PPP2R1A: variants seen among roughly 807,000 people sequenced by gnomAD.
PPP2R1A encodes protein phosphatase 2 scaffold subunit Aalpha, also known as serine/threonine-protein phosphatase 2A 65 kDa regulatory subunit A alpha isoform.
In PPP2R1A, 15 loss-of-function variants were observed where a neutral mutation model predicts 67.1. That is an observed-to-expected ratio of 0.22 (90% CI 0.15 to 0.34). The LOEUF is 0.34. Among genes scored for constraint, PPP2R1A ranks in the 10% least tolerant of loss-of-function variants. The pLI is 1.00. For synonymous variants in PPP2R1A, 337 were observed against 325.0 expected (o/e 1.04, Z -0.40); for missense variants, 369 against 775.0 (o/e 0.48, Z 6.22).
chr19:52,196,578 CTT>C (rs2089498681), intron 1 of PPP2R1A, among the ~76,000 whole-genome samples: 1 of 152,204 alleles, frequency 6.6e-6, no homozygotes, highest in Non-Finnish European at 1.5e-5. Flanking sequence ...TTGTATATCT[CTT>C]TGCCAAGAAC....
intron 6 of PPP2R1A, among the ~76,000 whole-genome samples, chr19:52,214,686 C>G (rs1978452801): frequency 1.3e-5 from 2 of 151,996 alleles, no homozygotes; most frequent in African/African-American, 2.4e-5. Flanking sequence ...GTGCGTCTTT[C>G]CATGCCTGGT....
rs778590819 is a variant in PPP2R1A at position 52,213,153 on chromosome 19, T to G, written c.807+43T>G. The G allele has an allele frequency of 6.6e-7, 1 of 1,508,542 alleles. No individual in the cohort carries two copies. The highest frequency in any genetic ancestry group is 8.8e-7 in the Non-Finnish European group (1 of 1,135,938). 93.4% of individuals were successfully genotyped at this position (1,508,542 alleles called of 1,614,324 possible). A position where few individuals can be genotyped will look rare whatever the true frequency, so the allele number is the denominator to read the frequency against. ...GACATTGTCCCACTGGTGGGGACAC[T>G]GACACTCTCAGAAGGGAAGCATATA... On this transcript the variant is annotated intron_variant, in intron 6 of 14. Transcript: ENST00000322088. This position sits in a 1 kb window ranked among gnomAD's most constrained non-coding sequence, Gnocchi z 4.2.
At chr19:52,221,443 C>CG (rs760569961) in intron 12 of PPP2R1A, among the ~76,000 whole-genome samples, 47 of 152,282 alleles carry the variant, frequency 3.1e-4, no homozygotes, top group East Asian at 5.8e-4. Context: ...ATGTGTGTCT[C>CG]TATCTGTGGT....
intron 1 of PPP2R1A, chr19:52,201,705 C>T (rs573482979): frequency 9.9e-5 from 51 of 516,740 alleles, no homozygotes; most frequent in Middle Eastern, 8.6e-4. Flanking sequence ...GTAGGTGTCA[C>T]CTTCATAAGA....
At chr19:52,222,537 C>T (rs1275774728) in intron 13 of PPP2R1A, 1 of 257,800 alleles carries the variant, frequency 3.9e-6, no homozygotes, top group African/African-American at 2.2e-5. Flanking sequence ...ATAATTGCAC[C>T]AAAAATATCA....
At chr19:52,203,121 G>A (rs1335484618) in intron 2 of PPP2R1A, among the ~76,000 whole-genome samples, 29 of 152,218 alleles carry the variant, frequency 1.9e-4, no homozygotes, top group Admixed American at 6.5e-5. Context: ...TGGACCTAGT[G>A]ATGATCCTGG....
Position 52,221,007 on chromosome 19 carries a change from C to T in PPP2R1A, c.1392C>T (p.Ser464=), listed in dbSNP as rs1978890380. ...ATGCCATCCGCGAGGCAGCCACCAG[C>T]AACCTGAAGAAGCTAGTGGAAAAGT... ...HVYAIREAAT[S]NLKKLVEKFG... The change falls in exon 12 of 15, where the codon AGC becomes AGT. Residue 464 remains serine, a synonymous_variant. Transcript: ENST00000322088. The T allele has an allele frequency of 3.7e-6, 6 of 1,614,214 alleles. No homozygotes were observed. Among genetic ancestry groups the T allele is most frequent in the Non-Finnish European group, 5.1e-6 (6 of 1,180,032 alleles).
rs398035011 is a variant in PPP2R1A, at chr19:52,213,457, G to GTTTT, written c.807+374_807+377dup. ...GCCCAAAAAGGTGGGGTTTTTTGGTGTTTTTTTTTTTTTTTTTTTTTTTTT... is the reference window on the plus strand; with the variant it reads ...GCCCAAAAAGGTGGGGTTTTTTGGTGTTTTTTTTTTTTTTTTTTTTTTTTTTTTT... On this transcript the variant is annotated intron_variant, in intron 6 of 14. Coordinates refer to ENST00000322088, the MANE Select transcript of PPP2R1A (RefSeq NM_014225.6). The surrounding 1 kb of genome is among the most constrained non-coding windows in gnomAD (Gnocchi z 4.2). 6.0e-4 allele frequency among the ~76,000 whole-genome samples: 43 copies of GTTTT among 71,754 alleles called. 3 individuals carry two copies. Among genetic ancestry groups the GTTTT allele is most frequent in the South Asian group, 1.9e-3 (3 of 1,608 alleles). The allele number at this position is 71,754 out of a possible 152,430, so 47.1% of individuals were successfully genotyped here.
rs1374408806 is a variant in PPP2R1A at position 52,227,872 on chromosome 19, A to G, written c.*1891A>G. The G allele has an allele frequency of 6.6e-6, 1 of 152,186 alleles. No homozygotes were observed. 9.4% of individuals were successfully genotyped at this position (152,186 alleles called of 1,614,324 possible). A position where few individuals can be genotyped will look rare whatever the true frequency, so the allele number is the denominator to read the frequency against. On this transcript the variant is annotated 3_prime_UTR_variant, in exon 15 of 15. Transcript: ENST00000322088. The stretch of plus-strand genomic sequence containing the variant: ...TCCCCATGGTTAACGCTGCTGGTCC[A>G]TTGTAACAAGAGTGCAGTGGACCAG...
chr19:52,228,373 C>G lies in PPP2R1A; in HGVS notation c.*2392C>G, dbSNP rs1407368874. 6.6e-6 allele frequency: 1 copy of G among 152,170 alleles called. No homozygotes were observed. Among genetic ancestry groups the G allele is most frequent in the Non-Finnish European group, 1.5e-5 (1 of 68,038 alleles). The allele number at this position is 152,170 out of a possible 1,614,324, so 9.4% of individuals were successfully genotyped here. A position where few individuals can be genotyped will look rare whatever the true frequency, so the allele number is the denominator to read the frequency against. On this transcript the variant is annotated 3_prime_UTR_variant, in exon 15 of 15. Transcript: ENST00000322088. ...TGCCTGGTGTCTTGGGTCATGTGCT[C>G]TAGAAGCAGAGCCCGAGTGGAGACT...
chr19:52,192,743 AG>A (rs1231429392), intron 1 of PPP2R1A, among the ~76,000 whole-genome samples: 3 of 152,172 alleles, frequency 2.0e-5, no homozygotes, highest in Admixed American at 2.0e-4. Flanking sequence ...GATCAGAGCT[AG>A]GCAGCTTACC....
intron 7 of PPP2R1A, 39 bp from the exon 8 acceptor site, chr19:52,215,965 A>C: frequency 6.2e-7 from 1 of 1,609,740 alleles, no homozygotes; most frequent in Non-Finnish European, 8.5e-7. Context: ...CTAGCACATC[A>C]GGTCTCACTT....
rs552792137 is a variant in PPP2R1A, at chr19:52,216,825, C to T, written c.1128+162C>T. ...TTGTGGGCATAGCTGTGTGTTCATG[C>T]GTTCATTCCTCCAGGCACTCTTCAT... On this transcript the variant is annotated intron_variant, in intron 9 of 14. Transcript: ENST00000322088. This position sits in a 1 kb window ranked among gnomAD's most constrained non-coding sequence, Gnocchi z 4.3. Among the ~76,000 whole-genome samples, 14 of 152,302 alleles carry T rather than the reference C, an allele frequency of 9.2e-5. No homozygotes were observed. Among genetic ancestry groups the T allele is most frequent in the Admixed American group, 7.2e-4 (11 of 15,296 alleles).
At chr19:52,198,626 G>A (rs914887450) in intron 1 of PPP2R1A, among the ~76,000 whole-genome samples, 5 of 152,210 alleles carry the variant, frequency 3.3e-5, no homozygotes, top group African/African-American at 7.2e-5. Context: ...CTCCAAGAAT[G>A]TGCATGTTCT....
In PPP2R1A at chr19:52,213,236, C is replaced by T. The variant is rs1384996848; in HGVS notation, c.807+126C>T. 8.5e-6 allele frequency: 10 copies of T among 1,183,132 alleles called. No individual in the cohort carries two copies. The highest frequency in any genetic ancestry group is 1.6e-5 in the African/African-American group (1 of 64,200). The allele number at this position is 1,183,132 out of a possible 1,614,324, so 73.3% of individuals were successfully genotyped here. ...ATTGGGCGTTTGAGCAATAAGATCT[C>T]TATGATCATCTAACTGCGTCTCGCT... is the stretch of plus-strand genomic sequence containing the variant. On this transcript the variant is annotated intron_variant, in intron 6 of 14. Coordinates refer to ENST00000322088, the MANE Select transcript of PPP2R1A (RefSeq NM_014225.6). This position sits in a 1 kb window ranked among gnomAD's most constrained non-coding sequence, Gnocchi z 4.2.
In PPP2R1A at chr19:52,213,451, T is replaced by C. The variant is rs915792681; in HGVS notation, c.807+341T>C. Among the ~76,000 whole-genome samples the C allele has an allele frequency of 2.5e-4, 36 of 145,442 alleles. No homozygotes were observed. The highest frequency in any genetic ancestry group is 9.3e-4 in the African/African-American group (36 of 38,536). On this transcript the variant is annotated intron_variant, in intron 6 of 14. Transcript: ENST00000322088. This position sits in a 1 kb window ranked among gnomAD's most constrained non-coding sequence, Gnocchi z 4.2. ...AAGACAGCCCAAAAAGGTGGGGTTTTTTGGTGTTTTTTTTTTTTTTTTTTT... is the reference window on the plus strand; with the variant it reads ...AAGACAGCCCAAAAAGGTGGGGTTTCTTGGTGTTTTTTTTTTTTTTTTTTT...
chr19:52,220,197 G>A lies in PPP2R1A; in HGVS notation c.1311G>A (p.Glu437=). The change falls in exon 11 of 15, where the codon GAG becomes GAA. Residue 437 remains glutamate (E), a synonymous_variant. Coordinates refer to ENST00000322088, the MANE Select transcript of PPP2R1A (RefSeq NM_014225.6). ...MPLLAGQLGV[E]FFDEKLNSLC... ...CTTGGTTTCTCCTGTAGGGAGTGGA[G>A]TTCTTTGATGAGAAACTTAACTCCT... The A allele has an allele frequency of 6.2e-7, 1 of 1,614,108 alleles. No homozygotes were observed. The highest frequency in any genetic ancestry group is 1.3e-5 in the African/African-American group (1 of 75,020).
rs2122329858 is a variant in PPP2R1A, at chr19:52,211,404, G to A, written c.415G>A (p.Asp139Asn). The A allele has an allele frequency of 6.2e-7, 1 of 1,613,946 alleles. No homozygotes were observed. Among genetic ancestry groups the A allele is most frequent in the Non-Finnish European group, 8.5e-7 (1 of 1,179,984 alleles). ...VPLVKRLAGG[D>N]WFTSRTSACG... ...GCTAGTGAAGCGGCTGGCGGGCGGC[G>A]ACTGGTTCACCTCCCGCACCTCGGC... The change falls in exon 4 of 15, where the codon GAC (aspartate) becomes AAC (asparagine). Residue 139 changes from aspartate (D) to asparagine (N), a missense_variant. Asp to Asn is a conservative substitution (Grantham distance 23). Around this residue, in one of 2 missense-constraint regions of PPP2R1A, gnomAD observed 93 missense variants for 266.5 expected, o/e 0.35. Coordinates refer to ENST00000322088, the MANE Select transcript of PPP2R1A (RefSeq NM_014225.6). This position sits in a 1 kb window ranked among gnomAD's most constrained non-coding sequence, Gnocchi z 5.3.
intron 9 of PPP2R1A, among the ~76,000 whole-genome samples, chr19:52,217,735 C>G (rs1978667783): frequency 6.6e-6 from 1 of 152,084 alleles, no homozygotes; most frequent in Admixed American, 6.5e-5. Flanking sequence ...CATGTGCTTG[C>G]ACCCCATACA....
Sources: allele counts gnomAD v4.1 joint callset (sites outside exome capture counted in the v4.1 genomes callset), GRCh38; gene constraint gnomAD v4.1.1; regional missense constraint gnomAD v4.1.1; non-coding constraint Gnocchi (gnomAD v3.1); transcripts MANE v1.5; gene names NCBI Gene and HGNC (gene_info 2026-07-23, HGNC 2026-07-21).